Variants in AGR2 observed in about 807,000 individuals in gnomAD.
AGR2 encodes the protein anterior gradient protein 2 homolog.
A neutral mutation model predicts 25.9 loss-of-function variants in AGR2; 27 were observed. The ratio of observed to expected loss-of-function variants is 1.04; its 90% confidence interval spans 0.77 to 1.44. The LOEUF (loss-of-function observed/expected upper bound fraction) is 1.44. Among genes scored for constraint, AGR2 ranks in the 40% most tolerant of loss-of-function variants. The probability of loss-of-function intolerance (pLI) is 0.00; values close to 1 mark genes in which losing one functional copy is unlikely to be tolerated. For synonymous variants in AGR2, 78 were observed against 72.0 expected, an observed-to-expected ratio of 1.08 and a Z score of -0.42; for missense variants, 182 against 200.9, an observed-to-expected ratio of 0.91 and a Z score of 0.57.
intron 7 of AGR2, among the ~76,000 whole-genome samples, chr7:16,793,896 A>G (rs1037214136): frequency 6.6e-6 from 1 of 152,216 alleles, no homozygotes; most frequent in Non-Finnish European, 1.5e-5. Context: ...CACTCTTCCT[A>G]CAAATCTTAA....
At position 16,794,972 on chromosome 7, in the gene AGR2, G is replaced by A. The variant is rs1169603250; in HGVS notation, c.442C>T (p.Arg148Cys). ...TCTGCAGGTTCGTAAGCATAGAGACGATTTGAATATCTTCCAGTGATATCG... is the reference window on the plus strand; with the variant it reads ...TCTGCAGGTTCGTAAGCATAGAGACAATTTGAATATCTTCCAGTGATATCG... The part of the protein sequence containing the change: ...RADITGRYSN[R>C]LYAYEPADTA... The change falls in exon 7 of 8, where the codon CGT becomes TGT. Residue 148 changes from arginine to cysteine, a missense_variant. Physicochemically the swap from Arg to Cys is radical, Grantham distance 180. Coordinates refer to ENST00000419304, the MANE Select transcript of AGR2 (RefSeq NM_006408.4). 1 of 1,614,152 alleles carries A rather than the reference G, an allele frequency of 6.2e-7. No homozygotes were observed. The highest frequency in any genetic ancestry group is 8.5e-7 in the Non-Finnish European group (1 of 1,179,988).
chr7:16,798,927 T>G (rs1003484110), intron 5 of AGR2, among the ~76,000 whole-genome samples: 1 of 152,160 alleles, frequency 6.6e-6, no homozygotes, highest in African/African-American at 2.4e-5. Context: ...TGGAATATGG[T>G]TGGATAGACA....
intron 1 of AGR2, among the ~76,000 whole-genome samples, chr7:16,804,694 G>C (rs3817508): frequency 0.17 from 25,461 of 151,874 alleles, 2,311 homozygotes; most frequent in South Asian, 0.27. Context: ...ATTTTGTTTC[G>C]CAAAAGAGAA....
chr7:16,801,436 G>A (rs767833775), intron 2 of AGR2, 53 bp from the exon 3 acceptor site: 3 of 1,551,526 alleles, frequency 1.9e-6, no homozygotes, highest in Admixed American at 1.7e-5. Context: ...CAGACCCAAA[G>A]CTGTTGAAAA....
At position 16,799,774 on chromosome 7, in the gene AGR2, C is replaced by T. The variant is rs1785110973; in HGVS notation, c.300G>A (p.Leu100=). 1 of 1,613,212 alleles carries T rather than the reference C, an allele frequency of 6.2e-7. No homozygotes were observed. Among genetic ancestry groups the T allele is most frequent in the Non-Finnish European group, 8.5e-7 (1 of 1,179,556 alleles). The change falls in exon 5 of 8, where the codon TTG becomes TTA. Residue 100 remains leucine, a synonymous_variant. Transcript: ENST00000419304. ...VFAENKEIQK[L]AEQFVLLNLV... ...GATTGAGGAGGACAAACTGCTCTGC[C>T]AATTTCTGGATTTCTTTATTTTCAG...
In AGR2 at chr7:16,801,748, A is replaced by G. The variant is rs1306050693; in HGVS notation, c.49T>C (p.Tyr17His). ...ACTGTGGTATCTCTGGCCAGAGTGT[A>G]GGAGAGGGCCACAAGGAGCAAGAAT... Reference protein sequence around the residue: ...SAFLLLVALSYTLARDTTVKP... With the variant: ...SAFLLLVALSHTLARDTTVKP... The change falls in exon 2 of 8, where the codon TAC becomes CAC. Residue 17 changes from tyrosine to histidine, a missense_variant. Coordinates refer to ENST00000419304, the MANE Select transcript of AGR2 (RefSeq NM_006408.4). 6 of 1,613,598 alleles carry G rather than the reference A, an allele frequency of 3.7e-6. No homozygotes were observed. Among genetic ancestry groups the G allele is most frequent in the South Asian group, 3.3e-5 (3 of 91,024 alleles).
chr7:16,797,952 GTGTT>G (rs1405782745), intron 5 of AGR2, among the ~76,000 whole-genome samples: 1 of 152,198 alleles, frequency 6.6e-6, no homozygotes, highest in Non-Finnish European at 1.5e-5. Context: ...AGGAGTTACT[GTGTT>G]TGGGGAAGAC....
intron 7 of AGR2, among the ~76,000 whole-genome samples, chr7:16,793,501 C>A (rs1049021604): frequency 3.3e-5 from 5 of 152,122 alleles, no homozygotes; most frequent in Non-Finnish European, 2.9e-5. Flanking sequence ...CAAAAGAATC[C>A]TTTTATAAGC....
chr7:16,799,311 C>T (rs547225976), intron 5 of AGR2, among the ~76,000 whole-genome samples: 10 of 152,062 alleles, frequency 6.6e-5, no homozygotes, highest in Admixed American at 3.9e-4. Context: ...GCTTGAGCAC[C>T]GTGAGGGGTG....
Position 16,797,710 on chromosome 7 carries a change from A to C in AGR2, c.331-16T>G. The C allele has an allele frequency of 6.2e-7, 1 of 1,607,434 alleles. No homozygotes were observed. On this transcript the variant is annotated splice_polypyrimidine_tract_variant and intron_variant, in intron 5 of 7. Coordinates refer to ENST00000419304, the MANE Select transcript of AGR2 (RefSeq NM_006408.4). ...TTGTTTCATACTAAAATAAAAAGAA[A>C]AGCATCTTTTAGTTTACTTTGACTT...
chr7:16,799,324 A>G (rs819006), intron 5 of AGR2, among the ~76,000 whole-genome samples: 57,854 of 151,852 alleles, frequency 0.38, 11,276 homozygotes, highest in Middle Eastern at 0.49. Flanking sequence ...GAGGGGTGGT[A>G]GTGGTGAAGT....
intron 5 of AGR2, chr7:16,799,532 AAACT>A: frequency 2.0e-6 from 1 of 489,080 alleles, no homozygotes; most frequent in South Asian, 3.7e-5. Context: ...TTTTTCAGAC[AAACT>A]AAGATGATTA....
In AGR2 at chr7:16,796,669, C is replaced by T. The variant is rs1785049820; in HGVS notation, c.394+962G>A. ...CATGGTGAGCAGAAATAGGTACAGT[C>T]CCTGCCATAGGGGCTTATAGTCCAA... is the stretch of plus-strand genomic sequence containing the variant. On this transcript the variant is annotated intron_variant, in intron 6 of 7. Coordinates refer to ENST00000419304, the MANE Select transcript of AGR2 (RefSeq NM_006408.4). Among the ~76,000 whole-genome samples the T allele has an allele frequency of 4.3e-5, 6 of 139,298 alleles. No homozygotes were observed. In the South Asian group the frequency reaches 1.0e-3, roughly 24 times the overall value. 91.4% of individuals were successfully genotyped at this position (139,298 alleles called of 152,430 possible).
intron 5 of AGR2, among the ~76,000 whole-genome samples, chr7:16,799,190 C>A (rs939193273): frequency 1.3e-5 from 2 of 151,844 alleles, no homozygotes; most frequent in Non-Finnish European, 2.9e-5. Flanking sequence ...GAGGAAGGGC[C>A]GGAGGGCTCA....
In AGR2 at chr7:16,801,880, C is replaced by T. The variant is rs549964009; in HGVS notation, c.-7-77G>A. ...TCAGGGTCTGCAGGTTGCCCCACAACGGTGGAATATACCAGAAACTGAGGC... is the reference window on the plus strand; with the variant it reads ...TCAGGGTCTGCAGGTTGCCCCACAATGGTGGAATATACCAGAAACTGAGGC... On this transcript the variant is annotated intron_variant, in intron 1 of 7. Coordinates refer to ENST00000419304, the MANE Select transcript of AGR2 (RefSeq NM_006408.4). The T allele has an allele frequency of 4.2e-4, 554 of 1,322,784 alleles. 2 individuals are homozygous for T. The highest frequency in any genetic ancestry group is 3.7e-3 in the South Asian group (258 of 69,426). The allele number at this position is 1,322,784 out of a possible 1,614,324, so 81.9% of individuals were successfully genotyped here.
chr7:16,797,587 A>G (rs1436091732), intron 6 of AGR2, 44 bp downstream of exon 6: 28 of 1,565,716 alleles, frequency 1.8e-5, no homozygotes, highest in Non-Finnish European at 2.4e-5. Context: ...GGATGGCAGC[A>G]CTAGTATGTG....
intron 1 of AGR2, chr7:16,803,140 C>G (rs1785178889): frequency 6.6e-6 from 1 of 152,170 alleles, no homozygotes; most frequent in African/African-American, 2.4e-5. Context: ...TAGCTGATAT[C>G]TTAGTTAAAT....
intron 6 of AGR2, among the ~76,000 whole-genome samples, chr7:16,797,418 A>C (rs1785065808): frequency 6.6e-6 from 1 of 152,208 alleles, no homozygotes; most frequent in South Asian, 2.1e-4. Flanking sequence ...TACAATTAGC[A>C]TGTGAGAAAA....
Position 16,791,899 on chromosome 7 carries a change from G to T in AGR2, c.*1009C>A, listed in dbSNP as rs1296568222. Reference sequence around the variant, plus strand: ...TTATATACAGCACCATAGTCCAGGGGCCAAAGAAATCAGGAGGGGCTGGGC... The same window carrying T: ...TTATATACAGCACCATAGTCCAGGGTCCAAAGAAATCAGGAGGGGCTGGGC... On this transcript the variant is annotated 3_prime_UTR_variant, in exon 8 of 8. Coordinates refer to ENST00000419304, the MANE Select transcript of AGR2 (RefSeq NM_006408.4). 2.0e-5 allele frequency: 3 copies of T among 152,228 alleles called. No individual in the cohort carries two copies. The highest frequency in any genetic ancestry group is 4.4e-5 in the Non-Finnish European group (3 of 68,094). The allele number at this position is 152,228 out of a possible 1,614,324, so 9.4% of individuals were successfully genotyped here. A position where few individuals can be genotyped will look rare whatever the true frequency, so the allele number is the denominator to read the frequency against.
Sources: allele counts gnomAD v4.1 joint callset (sites outside exome capture counted in the v4.1 genomes callset), GRCh38; gene constraint gnomAD v4.1.1; transcripts MANE v1.5; gene names NCBI Gene and HGNC (gene_info 2026-07-23, HGNC 2026-07-21).